The following DCST2 variants were observed in gnomAD, a reference collection of about 807,000 sequenced individuals.
The protein encoded by DCST2 is DC-STAMP domain containing 2, also known as DC-STAMP domain-containing protein 2.
DCST2 carries 64 observed loss-of-function variants against 81.8 expected under a neutral mutation model. That is an observed-to-expected ratio of 0.78 (90% CI 0.64 to 0.96). The LOEUF (loss-of-function observed/expected upper bound fraction) is 0.96. Among genes scored for constraint, DCST2 ranks in the 40% least tolerant of loss-of-function variants. The probability of loss-of-function intolerance (pLI) is 0.00; values close to 1 mark genes in which losing one functional copy is unlikely to be tolerated. For missense variants in DCST2, 945 were observed against 1,001.4 expected (o/e 0.94, Z 0.76); for synonymous variants, 354 against 402.6 (o/e 0.88, Z 1.44).
rs774384504 is a variant in DCST2, at chr1:155,033,222, A to G, written c.311T>C (p.Val104Ala). ...TLLLVAAFGL[V>A]LQGPCANTLR... is the part of the protein sequence containing the mutation. ...AGTGTTGGCACAAGGCCCTTGAAGC[A>G]CCAACCCAAAAGCAGCCACCAACAG... is the stretch of plus-strand genomic sequence containing the variant. Residue 104 changes from valine (V) to alanine (A), a missense_variant, in exon 2 of 15, where the codon GTG (valine) becomes GCG (alanine). Coordinates refer to ENST00000368424, the MANE Select transcript of DCST2 (RefSeq NM_144622.3). 6.2e-7 allele frequency: 1 copy of G among 1,613,992 alleles called. No homozygotes were observed.
intron 3 of DCST2, 127 bp from the exon 4 acceptor site, chr1:155,031,898 TC>T: frequency 1.0e-6 from 1 of 990,548 alleles, no homozygotes; most frequent in Non-Finnish European, 1.5e-6. Context: ...CTGTGCTGTG[TC>T]CAGTGAACAC....
At chr1:155,025,181 C>T (rs1022254943) in intron 10 of DCST2, among the ~76,000 whole-genome samples, 1 of 151,024 alleles carries the variant, frequency 6.6e-6, no homozygotes, top group Non-Finnish European at 1.5e-5. Context: ...GAAAGCTTGT[C>T]TGGCCTGCCT....
chr1:155,024,734 C>T, intron 10 of DCST2, 132 bp from the exon 11 acceptor site: 1 of 1,089,292 alleles, frequency 9.2e-7, no homozygotes, highest in South Asian at 3.2e-5. Context: ...GCTCAAATGC[C>T]CCTTCCTCTG....
intron 4 of DCST2, 57 bp from the exon 5 acceptor site, chr1:155,031,291 G>C: frequency 1.4e-6 from 2 of 1,475,528 alleles, no homozygotes; most frequent in East Asian, 2.3e-5. Flanking sequence ...GCCTGCCCCC[G>C]ACCTCTGGAG....
intron 14 of DCST2, among the ~76,000 whole-genome samples, chr1:155,021,541 A>G (rs951949302): frequency 1.4e-5 from 2 of 144,256 alleles, no homozygotes; most frequent in African/African-American, 5.3e-5. Flanking sequence ...GATCTAGCTC[A>G]TCCTCTCTCT....
In DCST2 at chr1:155,023,962, G is replaced by C. The variant is rs1321911258; in HGVS notation, c.1743-3C>G. ...CAAATGGACCTAGGCAGGGGCACCT[G>C]AGAAAAGGGTCACAGACACTAAGCA... On this transcript the variant is annotated splice_polypyrimidine_tract_variant and splice_region_variant and intron_variant, in intron 11 of 14. Coordinates refer to ENST00000368424, the MANE Select transcript of DCST2 (RefSeq NM_144622.3). 9 of 1,612,110 alleles carry C rather than the reference G, an allele frequency of 5.6e-6. No individual in the cohort carries two copies. The highest frequency in any genetic ancestry group is 3.3e-5 in the Admixed American group (2 of 59,882).
chr1:155,032,589 T>A, intron 3 of DCST2, 78 bp downstream of exon 3: 1 of 1,254,804 alleles, frequency 8.0e-7, no homozygotes, highest in Admixed American at 1.7e-5. Context: ...AGTGCTGGGA[T>A]TACAGGCATG....
At chr1:155,031,276 G>T (rs1660067865) in intron 4 of DCST2, 42 bp from the exon 5 acceptor site, 1 of 1,533,450 alleles carries the variant, frequency 6.5e-7, no homozygotes, top group Admixed American at 2.1e-5. Flanking sequence ...GAGGGGCACA[G>T]CCAGGCCTGC....
chr1:155,018,637 G>A lies in DCST2; in HGVS notation c.2229C>T (p.Ser743=), dbSNP rs371755027. 3.3e-5 allele frequency: 54 copies of A among 1,613,770 alleles called. No individual in the cohort carries two copies. Among genetic ancestry groups the A allele is most frequent in the African/African-American group, 1.1e-4 (8 of 74,882 alleles). ...CTGGAGTGGGGGCTCCTTTAGTGGC[G>A]GAGGATGTCTCAGGTGGTCTGTGGG... ...PEPHRPPETS[S]ATKGAPTPAS... Residue 743 remains serine, a synonymous_variant, in exon 15 of 15, where the codon TCC becomes TCT. Transcript: ENST00000368424.
chr1:155,031,534 A>AACC, intron 4 of DCST2, 40 bp downstream of exon 4: 1 of 336,966 alleles, frequency 3.0e-6, no homozygotes, highest in Non-Finnish European at 5.4e-6. Flanking sequence ...ACCCCACCCC[A>AACC]CATCGGCTCC....
intron 3 of DCST2, among the ~76,000 whole-genome samples, chr1:155,032,364 G>A (rs902188618): frequency 6.6e-6 from 1 of 151,362 alleles, no homozygotes; most frequent in South Asian, 2.1e-4. Flanking sequence ...ACAGTGGCAC[G>A]ATCATAGCTC....
At chr1:155,032,994 T>A in intron 2 of DCST2, 100 bp downstream of exon 2, 1 of 1,338,016 alleles carries the variant, frequency 7.5e-7, no homozygotes, top group Non-Finnish European at 1.0e-6. Flanking sequence ...TGCTCCGCGA[T>A]TAGCACCAGC....
In DCST2 at chr1:155,029,158, C is replaced by T; in HGVS notation, c.1342+75G>A. On this transcript the variant is annotated intron_variant, in intron 8 of 14. Transcript: ENST00000368424. ...ATGGGAAGAGGAGAAGGCTTGGGAG[C>T]AGGCGGGGAGATCAGAAACAGGCCG... is the stretch of plus-strand genomic sequence containing the variant. 2.6e-6 allele frequency: 4 copies of T among 1,540,308 alleles called. No individual in the cohort carries two copies. In the South Asian group the frequency reaches 3.6e-5, roughly 14 times the overall value.
intron 11 of DCST2, 133 bp downstream of exon 11, chr1:155,024,339 G>A (rs112745976): frequency 0.022 from 27,484 of 1,270,010 alleles, 366 homozygotes; most frequent in Middle Eastern, 0.034. Flanking sequence ...CTTTCACAGC[G>A]TTAAGGGTAT....
At chr1:155,022,026 C>T (rs979628905) in intron 14 of DCST2, among the ~76,000 whole-genome samples, 2 of 151,990 alleles carry the variant, frequency 1.3e-5, no homozygotes, top group Non-Finnish European at 2.9e-5. Context: ...ACCACCAAAC[C>T]CGGCTAATTT....
chr1:155,029,428 C>T, intron 7 of DCST2, 31 bp from the exon 8 acceptor site: 1 of 1,602,990 alleles, frequency 6.2e-7, no homozygotes, highest in Non-Finnish European at 8.5e-7. Flanking sequence ...CAGGAGGATG[C>T]TCCCCAGTTC....
chr1:155,027,170 C>G (rs1659935635), intron 8 of DCST2, among the ~76,000 whole-genome samples: 1 of 147,616 alleles, frequency 6.8e-6, no homozygotes, highest in Non-Finnish European at 1.5e-5. Context: ...GTTGCTGGGA[C>G]TATAGGCACG....
At chr1:155,031,085 C>T in intron 5 of DCST2, 84 bp downstream of exon 5, 1 of 1,395,708 alleles carries the variant, frequency 7.2e-7, no homozygotes, top group Non-Finnish European at 9.8e-7. Context: ...GGGCTGGGAG[C>T]ACTGGGGGCT....
rs761031182 is a variant in DCST2, at chr1:155,032,655, T to C, written c.541+12A>G. 3.1e-6 allele frequency: 5 copies of C among 1,612,736 alleles called. No homozygotes were observed. Among genetic ancestry groups the C allele is most frequent in the Middle Eastern group, 3.3e-4 (2 of 6,008 alleles). The stretch of plus-strand genomic sequence containing the variant: ...TTTTGAGTCCCCGGGATAGACATGC[T>C]AATGTGCTTACCTATGTGTTTCACA... On this transcript the variant is annotated intron_variant, in intron 3 of 14. Transcript: ENST00000368424.
Sources: allele counts gnomAD v4.1 joint callset (sites outside exome capture counted in the v4.1 genomes callset), GRCh38; gene constraint gnomAD v4.1.1; transcripts MANE v1.5; gene names NCBI Gene and HGNC (gene_info 2026-07-23, HGNC 2026-07-21).